MTCL2: variants seen among roughly 807,000 people sequenced by gnomAD.
MTCL2 encodes microtubule crosslinking factor 2, also known as microtubule cross-linking factor 2.
chr20:36,852,404 A>G, the MTCL2 span, among the ~76,000 whole-genome samples: 113 of 152,298 alleles, frequency 7.4e-4, no homozygotes, highest in Middle Eastern at 0.017. Flanking sequence ...CCAAGAGGCC[A>G]GGGCAGCCAT....
chr20:36,802,991 G>C, the MTCL2 span: 1 of 1,595,152 alleles, frequency 6.3e-7, no homozygotes, highest in South Asian at 1.1e-5. Context: ...TCAGCTCCAT[G>C]ACAGCGCTGT....
chr20:36,783,127 G>T, the MTCL2 span: 2 of 152,170 alleles, frequency 1.3e-5, no homozygotes, highest in Non-Finnish European at 2.9e-5. Context: ...CCTTGGCCTT[G>T]TCACATCGGA....
the MTCL2 span, among the ~76,000 whole-genome samples, chr20:36,791,871 T>TA: frequency 2.6e-5 from 4 of 152,128 alleles, no homozygotes; most frequent in Admixed American, 2.6e-4. Context: ...TACTCTTGGG[T>TA]TTTATAAAAC....
the MTCL2 span, among the ~76,000 whole-genome samples, chr20:36,841,193 C>G: frequency 7.1e-6 from 1 of 140,728 alleles, no homozygotes; most frequent in Non-Finnish European, 1.5e-5. Flanking sequence ...ATGAGCCCAG[C>G]GTGGTGGTTC....
At chr20:36,808,260 G>C in the MTCL2 span, among the ~76,000 whole-genome samples, 1 of 151,550 alleles carries the variant, frequency 6.6e-6, no homozygotes, top group Non-Finnish European at 1.5e-5. Context: ...GGAGGCTGAG[G>C]CAGGAGAATT....
the MTCL2 span, among the ~76,000 whole-genome samples, chr20:36,787,750 G>A: frequency 1.3e-5 from 2 of 151,252 alleles, no homozygotes; most frequent in Admixed American, 6.6e-5. Flanking sequence ...GCTGGGCATG[G>A]TGGCATGCGC....
the MTCL2 span, among the ~76,000 whole-genome samples, chr20:36,858,979 T>A: frequency 6.6e-6 from 1 of 152,092 alleles, no homozygotes; most frequent in Admixed American, 6.6e-5. Context: ...TTAGTAGAGA[T>A]GGGGTTTCGC....
chr20:36,782,544 T>A, the MTCL2 span: 1 of 152,234 alleles, frequency 6.6e-6, no homozygotes, highest in Non-Finnish European at 1.5e-5. Context: ...GGGAAACGAT[T>A]TCTTTTTTGA....
the MTCL2 span, among the ~76,000 whole-genome samples, chr20:36,848,093 G>A: frequency 1.1e-4 from 17 of 152,292 alleles, no homozygotes; most frequent in East Asian, 3.1e-3. Flanking sequence ...AGGCTGCTGT[G>A]AGCCATGAGT....
the MTCL2 span, among the ~76,000 whole-genome samples, chr20:36,846,988 C>T: frequency 2.6e-5 from 4 of 152,170 alleles, no homozygotes; most frequent in Non-Finnish European, 5.9e-5. Flanking sequence ...CCAGCCTGGG[C>T]GACAGAGACA....
the MTCL2 span, chr20:36,796,949 G>A: frequency 7.4e-6 from 12 of 1,613,806 alleles, no homozygotes; most frequent in African/African-American, 9.3e-5. Flanking sequence ...TTCTCACTGC[G>A]TGTCTGTCAA....
the MTCL2 span, chr20:36,784,778 G>C: frequency 2.0e-6 from 2 of 985,534 alleles, no homozygotes; most frequent in Non-Finnish European, 1.2e-6. Flanking sequence ...AGCCGTGAAA[G>C]GCCATAAGGC....
At chr20:36,828,000 A>C in the MTCL2 span, among the ~76,000 whole-genome samples, 2 of 152,186 alleles carry the variant, frequency 1.3e-5, no homozygotes, top group African/African-American at 2.4e-5. Context: ...CAACACACCC[A>C]GTGGGAAGGA....
chr20:36,838,675 A>G, the MTCL2 span, among the ~76,000 whole-genome samples: 1 of 151,274 alleles, frequency 6.6e-6, no homozygotes, highest in Non-Finnish European at 1.5e-5. Flanking sequence ...CTCAATAAAC[A>G]GTAGCTTCTC....
At chr20:36,837,734 A>T in the MTCL2 span, among the ~76,000 whole-genome samples, 1 of 151,300 alleles carries the variant, frequency 6.6e-6, no homozygotes, top group African/African-American at 2.4e-5. Flanking sequence ...GAACCACCAC[A>T]CTCGGCTAAT....
chr20:36,829,796 G>A, the MTCL2 span, among the ~76,000 whole-genome samples: 3 of 152,070 alleles, frequency 2.0e-5, no homozygotes, highest in South Asian at 2.1e-4. Flanking sequence ...TCAAGAGTTC[G>A]AGACCAGACT....
chr20:36,849,469 G>C, the MTCL2 span, among the ~76,000 whole-genome samples: 1 of 150,802 alleles, frequency 6.6e-6, no homozygotes, highest in Admixed American at 6.6e-5. Flanking sequence ...GGGTCCCTCT[G>C]TGTCACCCAG....
chr20:36,792,843 GAT>G, the MTCL2 span, among the ~76,000 whole-genome samples: 1 of 130,178 alleles, frequency 7.7e-6, no homozygotes, highest in Non-Finnish European at 1.7e-5. Context: ...TATATAGATA[GAT>G]AGATAGATAG....
chr20:36,804,385 C>T, the MTCL2 span, among the ~76,000 whole-genome samples: 6 of 152,130 alleles, frequency 3.9e-5, no homozygotes, highest in African/African-American at 1.4e-4. Flanking sequence ...CCCCATTTTG[C>T]GTGGAGGGAG....
Sources: allele counts gnomAD v4.1 joint callset (sites outside exome capture counted in the v4.1 genomes callset), GRCh38; gene constraint gnomAD v4.1.1; transcripts MANE v1.5; gene names NCBI Gene and HGNC (gene_info 2026-07-23, HGNC 2026-07-21).